Variants in DSCAM observed in about 807,000 individuals in gnomAD.
DSCAM encodes cell adhesion molecule DSCAM.
DSCAM carries 47 observed loss-of-function variants against 217.7 expected under a neutral mutation model. The observed-to-expected ratio is 0.22, with a 90% CI of 0.17 to 0.28. The LOEUF (loss-of-function observed/expected upper bound fraction) is 0.28. Among genes scored for constraint, DSCAM ranks in the 10% least tolerant of loss-of-function variants. DSCAM has a pLI of 1.00. For missense variants in DSCAM, 2,080 were observed against 2,618.3 expected (o/e 0.79, Z 4.49); for synonymous variants, 1,056 against 1,015.3 (o/e 1.04, Z -0.76).
At chr21:40,390,586 G>A (rs1183857061) in intron 3 of DSCAM, among the ~76,000 whole-genome samples, 1 of 152,136 alleles carries the variant, frequency 6.6e-6, no homozygotes, top group Non-Finnish European at 1.5e-5. Flanking sequence ...GAGGCCAGCA[G>A]TATTATTGGC....
At chr21:40,062,839 G>C in intron 28 of DSCAM, 30 bp downstream of exon 28, 1 of 1,552,492 alleles carries the variant, frequency 6.4e-7, no homozygotes, top group Non-Finnish European at 8.7e-7. Flanking sequence ...TTTCAAACAT[G>C]ATATCTGGGG....
At chr21:40,810,424 G>A (rs908988283) in intron 1 of DSCAM, among the ~76,000 whole-genome samples, 101 of 152,330 alleles carry the variant, frequency 6.6e-4, no homozygotes, top group African/African-American at 2.4e-3. Context: ...TAACCCAGTA[G>A]GTCCCGAGTC....
chr21:40,274,869 G>C (rs114749586), intron 11 of DSCAM, among the ~76,000 whole-genome samples: 2 of 152,110 alleles, frequency 1.3e-5, no homozygotes, highest in Non-Finnish European at 2.9e-5. Context: ...TAAATTCTTC[G>C]TGAGTTAGGA....
chr21:40,379,011 C>A (rs994049567), intron 3 of DSCAM, among the ~76,000 whole-genome samples: 1 of 152,076 alleles, frequency 6.6e-6, no homozygotes, highest in Non-Finnish European at 1.5e-5. Flanking sequence ...GTACACATAC[C>A]CTGCAGAAAA....
At chr21:40,395,487 G>C (rs1302929283) in intron 3 of DSCAM, among the ~76,000 whole-genome samples, 1 of 151,712 alleles carries the variant, frequency 6.6e-6, no homozygotes, top group East Asian at 1.9e-4. Flanking sequence ...CATTCTTTTA[G>C]GAATACTAAA....
chr21:40,018,798 C>A (rs1165198664), intron 32 of DSCAM, among the ~76,000 whole-genome samples: 1 of 152,208 alleles, frequency 6.6e-6, no homozygotes, highest in Non-Finnish European at 1.5e-5. Context: ...ATGGAAACAG[C>A]TCAGTGTTAC....
intron 3 of DSCAM, among the ~76,000 whole-genome samples, chr21:40,690,878 T>G (rs1459218240): frequency 6.6e-6 from 1 of 152,056 alleles, no homozygotes; most frequent in Non-Finnish European, 1.5e-5. Context: ...GGGAGCTGAA[T>G]GATGAGAACA....
At chr21:40,329,398 G>A (rs2074351202) in intron 8 of DSCAM, among the ~76,000 whole-genome samples, 1 of 152,026 alleles carries the variant, frequency 6.6e-6, no homozygotes, top group African/African-American at 2.4e-5. Flanking sequence ...GGCAGATCAC[G>A]AGGTCAAGAG....
intron 2 of DSCAM, among the ~76,000 whole-genome samples, chr21:40,701,216 A>C (rs1179375787): frequency 6.6e-6 from 1 of 152,128 alleles, no homozygotes; most frequent in Non-Finnish European, 1.5e-5. Flanking sequence ...CTCAAAAAAT[A>C]TTTTATTTCA....
chr21:40,392,916 A>G (rs1216940210), intron 3 of DSCAM, among the ~76,000 whole-genome samples: 1 of 152,222 alleles, frequency 6.6e-6, no homozygotes, highest in Non-Finnish European at 1.5e-5. Context: ...TTCAAAAGAT[A>G]TAATAAAATT....
At chr21:40,219,893 C>A (rs1177210929) in intron 11 of DSCAM, among the ~76,000 whole-genome samples, 1 of 152,110 alleles carries the variant, frequency 6.6e-6, no homozygotes, top group Non-Finnish European at 1.5e-5. Context: ...TATATATACA[C>A]CAAATAGCAT....
chr21:40,239,871 G>A (rs1029074596), intron 11 of DSCAM, among the ~76,000 whole-genome samples: 2 of 152,178 alleles, frequency 1.3e-5, no homozygotes, highest in Non-Finnish European at 2.9e-5. Flanking sequence ...TTCCATGCTT[G>A]TCTAACACCT....
At chr21:40,046,013 G>A (rs766065253) in intron 30 of DSCAM, among the ~76,000 whole-genome samples, 9 of 152,254 alleles carry the variant, frequency 5.9e-5, no homozygotes, top group Non-Finnish European at 1.0e-4. Context: ...TAGCTGTTAC[G>A]TGATAAAACT....
chr21:40,039,388 TTTA>T, intron 32 of DSCAM, among the ~76,000 whole-genome samples: 1 of 15,440 alleles, frequency 6.5e-5, no homozygotes, highest in African/African-American at 2.8e-4. Context: ...TCCTTTTGTA[TTTA>T]TTTGACTATA....
chr21:40,076,682 G>T (rs573177308), intron 26 of DSCAM, among the ~76,000 whole-genome samples: 1 of 152,166 alleles, frequency 6.6e-6, no homozygotes, highest in Admixed American at 6.5e-5. Context: ...AGAACACTTT[G>T]TGAATTAGAA....
intron 15 of DSCAM, among the ~76,000 whole-genome samples, chr21:40,167,997 G>A (rs1164188613): frequency 6.6e-6 from 1 of 152,170 alleles, no homozygotes. Context: ...GGAGGCAGAC[G>A]TTGCAGTAAG....
At chr21:40,646,353 G>A (rs2146350359) in intron 3 of DSCAM, among the ~76,000 whole-genome samples, 1 of 147,558 alleles carries the variant, frequency 6.8e-6, no homozygotes, top group African/African-American at 2.5e-5. Context: ...GGAGGTTGCA[G>A]TGAGCTGAGA....
At chr21:40,570,647 C>T (rs1022824360) in intron 3 of DSCAM, among the ~76,000 whole-genome samples, 3 of 152,220 alleles carry the variant, frequency 2.0e-5, no homozygotes, top group East Asian at 1.9e-4. Context: ...AATACTGACA[C>T]GTGTGAACAG....
intron 11 of DSCAM, among the ~76,000 whole-genome samples, chr21:40,222,065 G>C (rs2091293197): frequency 6.6e-6 from 1 of 152,204 alleles, no homozygotes; most frequent in East Asian, 1.9e-4. Flanking sequence ...AATGAAGTGA[G>C]CCTGTCACTT....
Sources: gnomAD v4.1 joint callset for allele counts (sites outside exome capture counted in the v4.1 genomes callset) on GRCh38, gnomAD v4.1.1 for gene constraint, MANE v1.5 for transcripts, NCBI Gene and HGNC (gene_info 2026-07-23, HGNC 2026-07-21) for gene names.